The following SPAG16 variants were observed in gnomAD, a reference collection of about 807,000 sequenced individuals.
The protein encoded by SPAG16 is sperm-associated antigen 16 protein.
In SPAG16, 86 loss-of-function variants were observed where a neutral mutation model predicts 80.4. The observed-to-expected ratio is 1.07, with a 90% CI of 0.90 to 1.28. The LOEUF is 1.28. SPAG16 is among the 50% of genes most tolerant of loss of function. The pLI is 0.00. For synonymous variants in SPAG16, 294 were observed against 265.9 expected, an observed-to-expected ratio of 1.11 and a Z score of -1.03; for missense variants, 870 against 765.3, an observed-to-expected ratio of 1.14 and a Z score of -1.61.
Position 214,149,153 on chromosome 2 carries a change from C to T in SPAG16, c.1607C>T (p.Ala536Val), listed in dbSNP as rs1576353366. The T allele has an allele frequency of 6.4e-7, 1 of 1,564,840 alleles. No individual in the cohort carries two copies. Among genetic ancestry groups the T allele is most frequent in the Non-Finnish European group, 8.7e-7 (1 of 1,154,822 alleles). Reference protein sequence around the residue: ...AIFDPRGHMIASCDACGVTKL... With the variant: ...AIFDPRGHMIVSCDACGVTKL... ...TATATTTTGAAGGGTCACATGATAG[C>T]ATCCTGTGATGCCTGTGGGGTTACA... is the stretch of plus-strand genomic sequence containing the variant. Residue 536 changes from alanine (A) to valine (V), a missense_variant, in exon 15 of 16, where the codon GCA becomes GTA. Physicochemically the swap from Ala to Val is moderately conservative, Grantham distance 64 (BLOSUM62 0). Coordinates refer to ENST00000331683, the MANE Select transcript of SPAG16 (RefSeq NM_024532.5).
intron 15 of SPAG16, among the ~76,000 whole-genome samples, chr2:214,349,594 G>A (rs1237774166): frequency 6.6e-6 from 1 of 152,126 alleles, no homozygotes; most frequent in African/African-American, 2.4e-5. Flanking sequence ...TGGTATAAAT[G>A]CATGGAATTG....
At chr2:213,519,570 T>C (rs981090016) in intron 10 of SPAG16, among the ~76,000 whole-genome samples, 1 of 152,228 alleles carries the variant, frequency 6.6e-6, no homozygotes, top group Non-Finnish European at 1.5e-5. Context: ...CCCAGCCATA[T>C]GGAACTGTAA....
intron 15 of SPAG16, among the ~76,000 whole-genome samples, chr2:214,307,643 A>T: frequency 6.6e-6 from 1 of 152,232 alleles, no homozygotes; most frequent in South Asian, 2.1e-4. Context: ...TCTTAATTTC[A>T]TTATTTACCC....
chr2:213,650,517 T>C (rs1159269511), intron 10 of SPAG16, among the ~76,000 whole-genome samples: 1 of 152,188 alleles, frequency 6.6e-6, no homozygotes, highest in Non-Finnish European at 1.5e-5. Flanking sequence ...TAATGCATTG[T>C]GTGTTTGGCG....
At chr2:213,855,763 C>T (rs553948855) in intron 10 of SPAG16, among the ~76,000 whole-genome samples, 9 of 152,266 alleles carry the variant, frequency 5.9e-5, no homozygotes, top group African/African-American at 2.2e-4. Flanking sequence ...TAAGAACTCA[C>T]TTACTGTCAT....
At chr2:213,524,343 G>C (rs573455364) in intron 10 of SPAG16, among the ~76,000 whole-genome samples, 8 of 152,360 alleles carry the variant, frequency 5.3e-5, no homozygotes, top group Middle Eastern at 3.4e-3. Context: ...TGCTGCAGGG[G>C]TGGAGCCCTC....
chr2:214,367,869 T>C (rs1699580875), intron 15 of SPAG16, among the ~76,000 whole-genome samples: 1 of 152,142 alleles, frequency 6.6e-6, no homozygotes, highest in South Asian at 2.1e-4. Context: ...ATTCTATCAA[T>C]TTCTATCTCT....
chr2:214,163,142 G>T (rs2056514707), intron 15 of SPAG16, among the ~76,000 whole-genome samples: 1 of 151,922 alleles, frequency 6.6e-6, no homozygotes, highest in Non-Finnish European at 1.5e-5. Flanking sequence ...TATGTATTTT[G>T]AGGCTATGTT....
chr2:213,416,575 C>G (rs1336756421), intron 9 of SPAG16, among the ~76,000 whole-genome samples: 2 of 151,280 alleles, frequency 1.3e-5, no homozygotes, highest in Non-Finnish European at 2.9e-5. Flanking sequence ...CACCACAGCA[C>G]TTGGGTAAAA....
chr2:214,396,344 C>T (rs1456944040), intron 15 of SPAG16, among the ~76,000 whole-genome samples: 1 of 151,752 alleles, frequency 6.6e-6, no homozygotes, highest in Non-Finnish European at 1.5e-5. Flanking sequence ...TCTGCAGTTG[C>T]TAAAAGTACT....
chr2:213,748,951 A>G (rs2067958313), intron 10 of SPAG16, among the ~76,000 whole-genome samples: 1 of 152,274 alleles, frequency 6.6e-6, no homozygotes, highest in South Asian at 2.1e-4. Flanking sequence ...GATCGAGACC[A>G]TCCTGGCCAA....
intron 10 of SPAG16, among the ~76,000 whole-genome samples, chr2:213,684,360 T>A (rs535893058): frequency 3.3e-5 from 5 of 152,188 alleles, no homozygotes; most frequent in Non-Finnish European, 5.9e-5. Context: ...AAGGTTTTAG[T>A]TAAAATTAGA....
chr2:213,579,374 G>C (rs1036650761), intron 10 of SPAG16, among the ~76,000 whole-genome samples: 4 of 152,070 alleles, frequency 2.6e-5, no homozygotes, highest in African/African-American at 9.7e-5. Context: ...CAGCAGCTTG[G>C]TAGCAAGAAA....
At chr2:213,887,986 T>A (rs2076628452) in intron 11 of SPAG16, among the ~76,000 whole-genome samples, 1 of 151,848 alleles carries the variant, frequency 6.6e-6, no homozygotes. Context: ...AGTTATTGTT[T>A]AAACAAAAAT....
chr2:214,051,521 G>T (rs941960251), intron 13 of SPAG16, among the ~76,000 whole-genome samples: 6 of 151,998 alleles, frequency 3.9e-5, no homozygotes, highest in Non-Finnish European at 7.4e-5. Flanking sequence ...TTCAATTTTT[G>T]TATTTTCTTT....
intron 15 of SPAG16, among the ~76,000 whole-genome samples, chr2:214,287,608 A>G (rs1156759247): frequency 6.6e-6 from 1 of 152,232 alleles, no homozygotes; most frequent in Non-Finnish European, 1.5e-5. Context: ...GAGTTTCAAT[A>G]TCTTAAAATA....
intron 15 of SPAG16, among the ~76,000 whole-genome samples, chr2:214,181,083 T>C (rs2125670444): frequency 6.6e-6 from 1 of 151,968 alleles, no homozygotes; most frequent in East Asian, 1.9e-4. Context: ...CAAATAAATT[T>C]AGAAATAATT....
At chr2:213,895,785 G>A (rs2076969951) in intron 11 of SPAG16, among the ~76,000 whole-genome samples, 1 of 151,984 alleles carries the variant, frequency 6.6e-6, no homozygotes, top group African/African-American at 2.4e-5. Flanking sequence ...AATAAAAATG[G>A]ACTAAAGACT....
intron 13 of SPAG16, among the ~76,000 whole-genome samples, chr2:214,086,791 A>T (rs2051797056): frequency 6.6e-6 from 1 of 152,160 alleles, no homozygotes; most frequent in Non-Finnish European, 1.5e-5. Context: ...AAAACAAGCA[A>T]ATTGGATCAA....
Sources: gnomAD v4.1 joint callset for allele counts (sites outside exome capture counted in the v4.1 genomes callset) on GRCh38, gnomAD v4.1.1 for gene constraint, MANE v1.5 for transcripts, NCBI Gene and HGNC (gene_info 2026-07-23, HGNC 2026-07-21) for gene names.